Variants in KIF1B observed in about 807,000 individuals in gnomAD.
The protein encoded by KIF1B is kinesin family member 1B, also known as kinesin-like protein KIF1B.
KIF1B carries 76 observed loss-of-function variants against 241.9 expected under a neutral mutation model. The observed-to-expected ratio is 0.31, with a 90% CI of 0.26 to 0.38. KIF1B has a LOEUF of 0.38. Among genes scored for constraint, KIF1B ranks in the 10% least tolerant of loss-of-function variants. KIF1B has a pLI of 1.00. For synonymous variants in KIF1B, 750 were observed against 796.7 expected (o/e 0.94, Z 0.99); for missense variants, 1,622 against 2,271.4 (o/e 0.71, Z 5.81).
intron 22 of KIF1B, chr1:10,307,693 T>C (rs1650897007): frequency 9.8e-7 from 1 of 1,021,928 alleles, no homozygotes; most frequent in African/African-American, 1.7e-5. Context: ...ACCATTATTA[T>C]ATTGTTGAGG....
chr1:10,359,950 T>G (rs1044473916), intron 38 of KIF1B, among the ~76,000 whole-genome samples: 4 of 151,994 alleles, frequency 2.6e-5, no homozygotes, highest in Admixed American at 6.6e-5. Context: ...AGAGAATCGC[T>G]TGAACCCAAG....
chr1:10,260,306 A>G (rs1056868777), intron 4 of KIF1B, among the ~76,000 whole-genome samples: 1 of 152,224 alleles, frequency 6.6e-6, no homozygotes, highest in Non-Finnish European at 1.5e-5. Flanking sequence ...GCACACCTGC[A>G]TAGTGCTCTT....
chr1:10,320,986 C>T (rs532038788), intron 23 of KIF1B, among the ~76,000 whole-genome samples: 2 of 152,010 alleles, frequency 1.3e-5, no homozygotes, highest in East Asian at 1.9e-4. Context: ...CAGGCATGAG[C>T]CACTGCGCCC....
Position 10,326,935 on chromosome 1 carries a change from G to A in KIF1B, c.2924+576G>A, listed in dbSNP as rs1283634504. On this transcript the variant is annotated intron_variant, in intron 27 of 48. Coordinates refer to ENST00000676179, the MANE Select transcript of KIF1B (RefSeq NM_001365951.3). This position sits in a 1 kb window ranked among gnomAD's most constrained non-coding sequence, Gnocchi z 5.2. ...AGCTTCTCCTTTACCTAAAACGGAT[G>A]CCTGTCTTTGGCCAGTTTCACTGAG... 6.6e-6 allele frequency among the ~76,000 whole-genome samples: 1 copy of A among 152,196 alleles called. No individual in the cohort carries two copies. The highest frequency in any genetic ancestry group is 2.4e-5 in the African/African-American group (1 of 41,436).
chr1:10,279,030 CCT>C (rs1649267146), intron 13 of KIF1B, 65 bp from the exon 14 acceptor site: 1 of 1,172,812 alleles, frequency 8.5e-7, no homozygotes, highest in Non-Finnish European at 1.2e-6. Flanking sequence ...TGCTCTGTTC[CCT>C]CTCTGTGTCA....
At chr1:10,307,120 A>T in intron 22 of KIF1B, 1 of 1,031,648 alleles carries the variant, frequency 9.7e-7, no homozygotes, top group Non-Finnish European at 1.2e-6. Context: ...AATTTCACAG[A>T]TGACCAGGAA....
At position 10,374,606 on chromosome 1, in the gene KIF1B, T is replaced by A; in HGVS notation, c.5096+141T>A. The stretch of plus-strand genomic sequence containing the variant: ...AGTCTGATGCAAGTTGAGTCTGGGG[T>A]GAGAGGGCCAGCCTGGGTTTCTCCA... On this transcript the variant is annotated intron_variant, in intron 46 of 48. Transcript: ENST00000676179. This position sits in a 1 kb window ranked among gnomAD's most constrained non-coding sequence, Gnocchi z 4.3. The A allele has an allele frequency of 9.1e-7, 1 of 1,097,198 alleles. No homozygotes were observed. Among genetic ancestry groups the A allele is most frequent in the Non-Finnish European group, 1.4e-6 (1 of 733,148 alleles). The allele number at this position is 1,097,198 out of a possible 1,614,324, so 68.0% of individuals were successfully genotyped here.
chr1:10,338,528 T>C (rs1054953687), intron 31 of KIF1B, among the ~76,000 whole-genome samples: 1 of 152,250 alleles, frequency 6.6e-6, no homozygotes, highest in Non-Finnish European at 1.5e-5. Context: ...ATCTGTTTTT[T>C]GGAACTGTTG....
intron 2 of KIF1B, among the ~76,000 whole-genome samples, chr1:10,234,880 C>G (rs1231976737): frequency 6.6e-6 from 1 of 150,622 alleles, no homozygotes; most frequent in East Asian, 1.9e-4. Context: ...AAAATAATTT[C>G]TTTTCTTTTT....
Position 10,372,734 on chromosome 1 carries a change from A to G in KIF1B, c.4946+1472A>G, listed in dbSNP as rs557350793. Among the ~76,000 whole-genome samples the G allele has an allele frequency of 4.2e-4, 60 of 144,464 alleles. 3 individuals carry two copies. The South Asian group carries it at 0.014, about 33-fold the overall frequency. The allele number at this position is 144,464 out of a possible 152,430, so 94.8% of individuals were successfully genotyped here. ...AAGCTCCGCCTCCCAGGTTCACGCC[A>G]TTCTCCTGCTTCAGCCTCCCGAGTA... is the stretch of plus-strand genomic sequence containing the variant. On this transcript the variant is annotated intron_variant, in intron 45 of 48. Coordinates refer to ENST00000676179, the MANE Select transcript of KIF1B (RefSeq NM_001365951.3).
intron 38 of KIF1B, among the ~76,000 whole-genome samples, chr1:10,360,558 G>A (rs954466111): frequency 9.2e-5 from 14 of 151,732 alleles, no homozygotes; most frequent in Admixed American, 1.3e-4. Flanking sequence ...GGTGGCGGGC[G>A]CCTGTAATCC....
intron 9 of KIF1B, 42 bp downstream of exon 9, chr1:10,272,348 AGC>A: frequency 8.6e-7 from 1 of 1,167,430 alleles, no homozygotes. Context: ...GTGTCTGTTC[AGC>A]AAATATACTT....
intron 5 of KIF1B, among the ~76,000 whole-genome samples, chr1:10,265,515 C>T (rs1648409309): frequency 6.6e-6 from 1 of 152,098 alleles, no homozygotes; most frequent in African/African-American, 2.4e-5. Flanking sequence ...GGATTCCAGG[C>T]ATGAGCCACC....
chr1:10,272,880 A>T (rs937967167), intron 9 of KIF1B, 134 bp from the exon 10 acceptor site: 2 of 679,362 alleles, frequency 2.9e-6, no homozygotes, highest in Non-Finnish European at 5.0e-6. Flanking sequence ...TTAATTGCTA[A>T]GAAGAATGAA....
chr1:10,337,280 T>TG lies in KIF1B; in HGVS notation c.3259+79dup. 1 of 1,612,104 alleles carries TG rather than the reference T, an allele frequency of 6.2e-7. No homozygotes were observed. Among genetic ancestry groups the TG allele is most frequent in the Non-Finnish European group, 8.5e-7 (1 of 1,178,182 alleles). ...TATTGACCATTATCAAGGGACATAG[T>TG]GGCCTTCATCAACTAGGAATGGAAA... On this transcript the variant is annotated intron_variant, in intron 30 of 48. Coordinates refer to ENST00000676179, the MANE Select transcript of KIF1B (RefSeq NM_001365951.3). The surrounding 1 kb of genome is among the most constrained non-coding windows in gnomAD (Gnocchi z 4.0).
rs562155617 is a variant in KIF1B at position 10,321,302 on chromosome 1, C to T, written c.2210-407C>T. 7.7e-4 allele frequency among the ~76,000 whole-genome samples: 117 copies of T among 152,144 alleles called. 4 individuals carry two copies. In the South Asian group the frequency reaches 0.024, roughly 31 times the overall value. On this transcript the variant is annotated intron_variant, in intron 23 of 48. Coordinates refer to ENST00000676179, the MANE Select transcript of KIF1B (RefSeq NM_001365951.3). ...TAATTTTAGTAGAGATGTGGTTTCT[C>T]CATGTTGGCCAGGCTGGCCTCAAAC...
At chr1:10,259,091 T>A (rs2102187699) in intron 4 of KIF1B, among the ~76,000 whole-genome samples, 1 of 152,266 alleles carries the variant, frequency 6.6e-6, no homozygotes, top group East Asian at 1.9e-4. Context: ...GGAGATACTT[T>A]CATTTTATTT....
intron 22 of KIF1B, among the ~76,000 whole-genome samples, chr1:10,302,978 G>A (rs568087000): frequency 6.1e-5 from 9 of 147,014 alleles, no homozygotes; most frequent in Admixed American, 1.4e-4. Flanking sequence ...ATAGGCGTAT[G>A]TCTTAATAGA....
chr1:10,218,452 G>A (rs1224663725), intron 1 of KIF1B, among the ~76,000 whole-genome samples: 2 of 150,512 alleles, frequency 1.3e-5, no homozygotes, highest in South Asian at 2.1e-4. Flanking sequence ...ACAGAGTCTC[G>A]CTCTGTCATC....
Sources: gnomAD v4.1 joint callset for allele counts (sites outside exome capture counted in the v4.1 genomes callset) on GRCh38, gnomAD v4.1.1 for gene constraint, Gnocchi (gnomAD v3.1) non-coding constraint, MANE v1.5 for transcripts, NCBI Gene and HGNC (gene_info 2026-07-23, HGNC 2026-07-21) for gene names.